The following GBP4 variants were observed in gnomAD, a reference collection of about 807,000 sequenced individuals.
GBP4 encodes the protein guanylate-binding protein 4.
A neutral mutation model predicts 62.2 loss-of-function variants in GBP4; 69 were observed. The ratio of observed to expected loss-of-function variants is 1.11; its 90% CI spans 0.91 to 1.36. The LOEUF (loss-of-function observed/expected upper bound fraction) is 1.36, where lower values mean the gene tolerates loss of function less well. Among genes scored for constraint, GBP4 ranks in the 40% most tolerant of loss-of-function variants. The pLI is 0.00. For missense variants in GBP4, 697 were observed against 759.3 expected (o/e 0.92, Z 0.96); for synonymous variants, 278 against 274.6 (o/e 1.01, Z -0.12).
chr1:89,185,825 C>T (rs540852100), intron 10 of GBP4, among the ~76,000 whole-genome samples: 1 of 152,300 alleles, frequency 6.6e-6, no homozygotes, highest in South Asian at 2.1e-4. Context: ...ACTGCTGACC[C>T]TGTATAAAAC....
At chr1:89,197,337 C>G (rs1337487210) in intron 1 of GBP4, 33 bp from the exon 2 acceptor site, 1 of 1,591,480 alleles carries the variant, frequency 6.3e-7, no homozygotes, top group African/African-American at 1.3e-5. Context: ...CAGTAGAATA[C>G]AAGATCTTGA....
rs1413584327 is a variant in GBP4, at chr1:89,188,613, T to C, written c.1379A>G (p.Asp460Gly). 8 of 1,614,038 alleles carry C rather than the reference T, an allele frequency of 5.0e-6. No individual in the cohort carries two copies. The highest frequency in any genetic ancestry group is 6.8e-6 in the Non-Finnish European group (8 of 1,179,984). Residue 460 changes from aspartate to glycine, a missense_variant, in exon 8 of 11, where the codon GAC becomes GGC. Asp to Gly is a moderately conservative substitution (Grantham distance 94). This residue lies in a region of GBP4 where 556 missense variants were observed against 562.7 expected (regional missense o/e 0.99). Transcript: ENST00000355754. The part of the protein sequence containing the change: ...YLEEKKQVEW[D>G]YKLVPRKGVK... ...TCCTTTTCTGGGCACTAGCTTATAG[T>C]CCCACTCAACCTGTTTCTTTTCTTC...
Position 89,191,468 on chromosome 1 carries a change from C to A in GBP4, c.709G>T (p.Glu237Ter). 6.2e-7 allele frequency: 1 copy of A among 1,613,622 alleles called. No homozygotes were observed. The highest frequency in any genetic ancestry group is 1.1e-5 in the South Asian group (1 of 91,056). Residue 237 changes from glutamate to a stop codon, truncating the protein, a stop_gained, in exon 6 of 11, where the codon GAG becomes TAG. Coordinates refer to ENST00000355754, the MANE Select transcript of GBP4 (RefSeq NM_052941.5). LOFTEE classifies it high-confidence loss of function. ...TTTCGGAAGAAATGCCTGATACACT[C>A]TCTAGGCATGTTTGAATTTTGAATT... ...PKIQNSNMPR[E>*]CIRHFFRKRK...
At chr1:89,188,936 G>T in intron 7 of GBP4, 142 bp from the exon 8 acceptor site, 2 of 884,706 alleles carry the variant, frequency 2.3e-6, no homozygotes, top group Non-Finnish European at 3.5e-6. Flanking sequence ...GAATGATTTT[G>T]TTCCCAACTA....
Position 89,185,318 on chromosome 1 carries a change from A to G in GBP4, c.1859T>C (p.Val620Ala), listed in dbSNP as rs61746918. 2.5e-6 allele frequency: 4 copies of G among 1,613,616 alleles called. No homozygotes were observed. The African/African-American group carries it at 5.3e-5, about 22-fold the overall frequency. Residue 620 changes from valine (V) to alanine (A), a missense_variant, in exon 11 of 11, where the codon GTC becomes GCC. Physicochemically the swap from Val to Ala is moderately conservative, Grantham distance 64. Transcript: ENST00000355754. The part of the protein sequence containing the change: ...ILDMASNIMI[V>A]TLPGASKLLG... Reference sequence around the variant, plus strand: ...TAGCTTGGAAGCCCCAGGTAGAGTGACAATCATTATGTTGCTAGCCATGTC... The same window carrying G: ...TAGCTTGGAAGCCCCAGGTAGAGTGGCAATCATTATGTTGCTAGCCATGTC...
rs1142888 is a variant in GBP4, at chr1:89,186,407, T to G, written c.1633A>C (p.Met545Leu). ...CTTTCCTCCTCCAACTTCTTCTCCA[T>G]TTGGGCCATGTATTCCTGGAAGCTT... ...ERSFQEYMAQ[M>L]EKKLEEEREN... Residue 545 changes from methionine (M) to leucine (L), a missense_variant, in exon 10 of 11, where the codon ATG (methionine) becomes CTG (leucine). Physicochemically the swap from Met to Leu is conservative, Grantham distance 15. Coordinates refer to ENST00000355754, the MANE Select transcript of GBP4 (RefSeq NM_052941.5). The G allele has an allele frequency of 0.42, 505,096 of 1,197,490 alleles. 139,354 individuals are homozygous for G. The highest frequency in any genetic ancestry group is 0.47 in the South Asian group (35,397 of 75,676). 74.2% of individuals were successfully genotyped at this position (1,197,490 alleles called of 1,614,324 possible). A position where few individuals can be genotyped will look rare whatever the true frequency, so the allele number is the denominator to read the frequency against.
chr1:89,185,520 G>C (rs535858828), intron 10 of GBP4, 51 bp from the exon 11 acceptor site: 2 of 979,298 alleles, frequency 2.0e-6, no homozygotes, highest in Admixed American at 4.0e-5. Flanking sequence ...TTCTTCAGGA[G>C]TCAGAGTTTT....
At chr1:89,193,238 A>C in intron 4 of GBP4, 65 bp downstream of exon 4, 1 of 1,549,888 alleles carries the variant, frequency 6.5e-7, no homozygotes, top group Non-Finnish European at 8.9e-7. Flanking sequence ...AGCAAAGAAG[A>C]CACAGTATCA....
chr1:89,186,410 G>A lies in GBP4; in HGVS notation c.1630C>T (p.Gln544Ter), dbSNP rs1157863055. ...TCCTCCTCCAACTTCTTCTCCATTT[G>A]GGCCATGTATTCCTGGAAGCTTCTC... ...QERSFQEYMAQMEKKLEEERE... is the reference protein window; with the variant it reads ...QERSFQEYMA Residue 544 changes from glutamine (Q) to a stop codon, truncating the protein, a stop_gained, in exon 10 of 11, where the codon CAA becomes TAA. Transcript: ENST00000355754. LOFTEE classifies it high-confidence loss of function. 3 of 1,449,244 alleles carry A rather than the reference G, an allele frequency of 2.1e-6. No individual in the cohort carries two copies. Among genetic ancestry groups the A allele is most frequent in the African/African-American group, 1.3e-5 (1 of 74,370 alleles). The allele number at this position is 1,449,244 out of a possible 1,614,324, so 89.8% of individuals were successfully genotyped here.
At chr1:89,189,264 T>C (rs1370401470) in intron 7 of GBP4, among the ~76,000 whole-genome samples, 1 of 152,262 alleles carries the variant, frequency 6.6e-6, no homozygotes, top group Non-Finnish European at 1.5e-5. Context: ...TATGTGAGGA[T>C]ACAGGAACAG....
At position 89,184,084 on chromosome 1, in the gene GBP4, C is replaced by T. The variant is rs1326937042; in HGVS notation, c.*1170G>A. ...AACATGAACACATTTCAAAAGAAGA[C>T]ATATATGCATTTAAAAAGCATATAA... On this transcript the variant is annotated 3_prime_UTR_variant, in exon 11 of 11. Transcript: ENST00000355754. The T allele has an allele frequency of 6.6e-6, 1 of 152,136 alleles. No homozygotes were observed. The highest frequency in any genetic ancestry group is 1.9e-4 in the East Asian group (1 of 5,198). The allele number at this position is 152,136 out of a possible 1,614,324, so 9.4% of individuals were successfully genotyped here. A position where few individuals can be genotyped will look rare whatever the true frequency, so the allele number is the denominator to read the frequency against.
At chr1:89,192,326 T>C (rs552925806) in intron 5 of GBP4, among the ~76,000 whole-genome samples, 123 of 152,208 alleles carry the variant, frequency 8.1e-4, no homozygotes, top group Non-Finnish European at 1.6e-3. Flanking sequence ...TAGGTGATGT[T>C]ATGAAAATAG....
chr1:89,193,120 A>G lies in GBP4; in HGVS notation c.474-20T>C. 6.2e-7 allele frequency: 1 copy of G among 1,610,882 alleles called. No individual in the cohort carries two copies. ...ACATAGCTGGGATCTCAGCTAAGGA[A>G]GGATAGCACCCTACACCATCATTTC... is the stretch of plus-strand genomic sequence containing the variant. On this transcript the variant is annotated intron_variant, in intron 4 of 10. Transcript: ENST00000355754.
At chr1:89,194,322 G>T (rs985625391) in intron 3 of GBP4, among the ~76,000 whole-genome samples, 3 of 152,116 alleles carry the variant, frequency 2.0e-5, no homozygotes, top group Admixed American at 6.5e-5. Context: ...AAGTTCTAAG[G>T]TCAGCTAGTA....
In GBP4 at chr1:89,188,631, T is replaced by A. The variant is rs1313801665; in HGVS notation, c.1361A>T (p.Lys454Met). The stretch of plus-strand genomic sequence containing the variant: ...CTTATAGTCCCACTCAACCTGTTTC[T>A]TTTCTTCTAAGTAGAGATTGTGTCC... ...PGGHNLYLEE[K>M]KQVEWDYKLV... is the part of the protein sequence containing the mutation. The change falls in exon 8 of 11, where the codon AAG (lysine) becomes ATG (methionine). Residue 454 changes from lysine to methionine, a missense_variant. Lys to Met is a moderately conservative substitution (Grantham distance 95, BLOSUM62 -1). Transcript: ENST00000355754. The A allele has an allele frequency of 6.2e-7, 1 of 1,614,214 alleles. No individual in the cohort carries two copies. Among genetic ancestry groups the A allele is most frequent in the South Asian group, 1.1e-5 (1 of 91,082 alleles).
intron 2 of GBP4, 73 bp from the exon 3 acceptor site, chr1:89,195,497 A>G: frequency 6.4e-7 from 1 of 1,562,258 alleles, no homozygotes; most frequent in Non-Finnish European, 8.8e-7. Flanking sequence ...CACCGGTTAA[A>G]CTTGTAGGAA....
chr1:89,192,033 G>A (rs1648200846), intron 5 of GBP4, among the ~76,000 whole-genome samples: 1 of 152,178 alleles, frequency 6.6e-6, no homozygotes, highest in South Asian at 2.1e-4. Flanking sequence ...AATATGTTTA[G>A]AGATTCCTTT....
intron 2 of GBP4, among the ~76,000 whole-genome samples, chr1:89,196,672 C>T (rs1391920213): frequency 6.6e-6 from 1 of 152,062 alleles, no homozygotes; most frequent in Non-Finnish European, 1.5e-5. Flanking sequence ...TGAAATGAAG[C>T]AAAAAATTAG....
Position 89,190,115 on chromosome 1 carries a change from A to G in GBP4, c.1120T>C (p.Cys374Arg). ...LQELLDVHAA[C>R]EREAIAVFME... is the part of the protein sequence containing the mutation. ...AAGACTGCAATGGCTTCCCTCTCAC[A>G]GGCTGCATGCACGTCCAGCAGCTCC... Residue 374 changes from cysteine to arginine, a missense_variant, in exon 7 of 11, where the codon TGT (cysteine) becomes CGT (arginine). Around this residue, in one of 2 missense-constraint regions of GBP4, gnomAD observed 556 missense variants for 562.7 expected, o/e 0.99. Transcript: ENST00000355754. The G allele has an allele frequency of 6.2e-7, 1 of 1,614,126 alleles. No homozygotes were observed. The highest frequency in any genetic ancestry group is 8.5e-7 in the Non-Finnish European group (1 of 1,179,988).
Sources: allele counts gnomAD v4.1 joint callset (sites outside exome capture counted in the v4.1 genomes callset), GRCh38; gene constraint gnomAD v4.1.1; regional missense constraint gnomAD v4.1.1; transcripts MANE v1.5; gene names NCBI Gene and HGNC (gene_info 2026-07-23, HGNC 2026-07-21).